Variants in ACAP2 observed in about 807,000 individuals in gnomAD.
ACAP2 encodes arf-GAP with coiled-coil, ANK repeat and PH domain-containing protein 2.
A neutral mutation model predicts 115.8 loss-of-function variants in ACAP2; 39 were observed. That is an observed-to-expected ratio of 0.34 (90% confidence interval 0.26 to 0.44). ACAP2 has a LOEUF of 0.44. Among genes scored for constraint, ACAP2 ranks in the 20% least tolerant of loss-of-function variants. The pLI, the probability that ACAP2 is intolerant of heterozygous loss-of-function variation, is 1.00. For synonymous variants in ACAP2, 289 were observed against 315.8 expected, an observed-to-expected ratio of 0.92 and a Z score of 0.90; for missense variants, 662 against 927.6, an observed-to-expected ratio of 0.71 and a Z score of 3.72.
At chr3:195,324,983 T>C (rs529257886) in intron 9 of ACAP2, among the ~76,000 whole-genome samples, 3 of 152,192 alleles carry the variant, frequency 2.0e-5, no homozygotes, top group African/African-American at 4.8e-5. Flanking sequence ...TAACAGACGT[T>C]TTACAAATAA....
intron 1 of ACAP2, among the ~76,000 whole-genome samples, chr3:195,437,527 T>C (rs1193425942): frequency 6.6e-6 from 1 of 152,302 alleles, no homozygotes; most frequent in African/African-American, 2.4e-5. Flanking sequence ...TTTTAAAACA[T>C]TTTTGAGTCT....
chr3:195,379,887 TC>T (rs746693667), intron 4 of ACAP2, among the ~76,000 whole-genome samples: 8 of 152,124 alleles, frequency 5.3e-5, no homozygotes. Context: ...TAAAAGATGC[TC>T]AACTGCATGA....
intron 11 of ACAP2, among the ~76,000 whole-genome samples, chr3:195,308,147 T>A (rs1372790513): frequency 6.6e-6 from 1 of 152,148 alleles, no homozygotes; most frequent in Non-Finnish European, 1.5e-5. Flanking sequence ...TTAACAAATT[T>A]AAGGGGTTCT....
At chr3:195,299,413 T>C (rs1313941863) in intron 15 of ACAP2, among the ~76,000 whole-genome samples, 1 of 78,282 alleles carries the variant, frequency 1.3e-5, no homozygotes, top group Non-Finnish European at 2.9e-5. Context: ...CTACAAAAAA[T>C]ACAAAAAAAA....
At position 195,292,921 on chromosome 3, in the gene ACAP2, CAAA is replaced by C. The variant is rs3988217; in HGVS notation, c.1766-472_1766-470del. 1.6e-4 allele frequency among the ~76,000 whole-genome samples: 12 copies of C among 76,728 alleles called. No homozygotes were observed. In the South Asian group the frequency reaches 1.9e-3, roughly 12 times the overall value. 50.3% of individuals were successfully genotyped at this position (76,728 alleles called of 152,430 possible). A position where few individuals can be genotyped will look rare whatever the true frequency, so the allele number is the denominator to read the frequency against. Reference sequence around the variant, plus strand: ...TGAGCAATAGAGCGAGACTCAGTCTCAAAAAAAAAAAAAAAAAAAAAGTTAAGA... The same window carrying C: ...TGAGCAATAGAGCGAGACTCAGTCTCAAAAAAAAAAAAAAAAAAGTTAAGA... On this transcript the variant is annotated intron_variant, in intron 18 of 22. Transcript: ENST00000326793.
intron 1 of ACAP2, among the ~76,000 whole-genome samples, chr3:195,393,745 A>G (rs1309149786): frequency 6.6e-6 from 1 of 152,240 alleles, no homozygotes; most frequent in African/African-American, 2.4e-5. Context: ...GTAACGCGTT[A>G]GAAACCTAGA....
rs1030049193 is a variant in ACAP2 at position 195,362,569 on chromosome 3, A to C, written c.286-17252T>G. On this transcript the variant is annotated intron_variant, in intron 4 of 22. Transcript: ENST00000326793. Reference sequence around the variant, plus strand: ...AAACTACAGGCCAATATCTCTGATGAACACTGATGAAAAAATCCTCAACAA... The same window carrying C: ...AAACTACAGGCCAATATCTCTGATGCACACTGATGAAAAAATCCTCAACAA... Among the ~76,000 whole-genome samples, 7 of 152,156 alleles carry C rather than the reference A, an allele frequency of 4.6e-5. 1 individual carries two copies. Among genetic ancestry groups the C allele is most frequent in the Non-Finnish European group, 8.8e-5 (6 of 68,018 alleles).
At position 195,336,913 on chromosome 3, in the gene ACAP2, A is replaced by C; in HGVS notation, c.573+19T>G. 6.4e-7 allele frequency: 1 copy of C among 1,565,528 alleles called. No individual in the cohort carries two copies. Among genetic ancestry groups the C allele is most frequent in the Non-Finnish European group, 8.8e-7 (1 of 1,139,790 alleles). The stretch of plus-strand genomic sequence containing the variant: ...TTCATATTAAAATATTTAAAACATC[A>C]TTTCAATTAATGTCTTACTGATTTT... On this transcript the variant is annotated intron_variant, in intron 7 of 22. Transcript: ENST00000326793.
chr3:195,369,419 C>CCCACCCT (rs1310749144), intron 4 of ACAP2, among the ~76,000 whole-genome samples: 1 of 152,174 alleles, frequency 6.6e-6, no homozygotes, highest in Non-Finnish European at 1.5e-5. Context: ...TCTCCCTCCT[C>CCCACCCT]CCACCCTCCA....
intron 4 of ACAP2, among the ~76,000 whole-genome samples, chr3:195,347,057 A>G (rs1216204044): frequency 6.6e-6 from 1 of 152,130 alleles, no homozygotes; most frequent in Admixed American, 6.6e-5. Flanking sequence ...ACCCAACTGT[A>G]TGCATCTGTC....
intron 4 of ACAP2, among the ~76,000 whole-genome samples, chr3:195,360,137 C>T (rs1732254533): frequency 6.6e-6 from 1 of 152,038 alleles, no homozygotes; most frequent in African/African-American, 2.4e-5. Context: ...ACAAGAGACA[C>T]ATCTCACCTA....
chr3:195,379,797 C>CCAT (rs2108748636), intron 4 of ACAP2, among the ~76,000 whole-genome samples: 1 of 152,066 alleles, frequency 6.6e-6, no homozygotes, highest in East Asian at 1.9e-4. Context: ...GAGTGAGACC[C>CCAT]CATCTCTAAA....
chr3:195,340,319 A>G (rs1329898591), intron 6 of ACAP2, among the ~76,000 whole-genome samples: 1 of 151,824 alleles, frequency 6.6e-6, no homozygotes, highest in East Asian at 1.9e-4. Flanking sequence ...ACACCATTCA[A>G]TTAGATAAGG....
At chr3:195,381,467 G>A (rs1733933254) in intron 3 of ACAP2, among the ~76,000 whole-genome samples, 1 of 151,944 alleles carries the variant, frequency 6.6e-6, no homozygotes, top group African/African-American at 2.4e-5. Flanking sequence ...GTATACCAAG[G>A]AATCTAAGCT....
At chr3:195,403,394 G>A (rs1415142198) in intron 1 of ACAP2, among the ~76,000 whole-genome samples, 1 of 152,184 alleles carries the variant, frequency 6.6e-6, no homozygotes, top group African/African-American at 2.4e-5. Flanking sequence ...ATGCTGTAAA[G>A]TATTTTGTCA....
intron 6 of ACAP2, among the ~76,000 whole-genome samples, chr3:195,338,380 C>T (rs1730653590): frequency 6.6e-6 from 1 of 152,182 alleles, no homozygotes; most frequent in Admixed American, 6.5e-5. Context: ...GCCTCGAACT[C>T]CTGGGCACAC....
At chr3:195,407,602 G>A (rs1008926198) in intron 1 of ACAP2, among the ~76,000 whole-genome samples, 3 of 152,086 alleles carry the variant, frequency 2.0e-5, no homozygotes, top group Admixed American at 1.3e-4. Context: ...AGCTACCTGG[G>A]AGGCTGGATC....
chr3:195,317,222 T>C (rs187709623), intron 10 of ACAP2, among the ~76,000 whole-genome samples: 1 of 152,182 alleles, frequency 6.6e-6, no homozygotes, highest in African/African-American at 2.4e-5. Context: ...CTATATAACC[T>C]TGACACCAAG....
chr3:195,332,957 T>G, intron 8 of ACAP2, 71 bp downstream of exon 8: 1 of 1,138,208 alleles, frequency 8.8e-7, no homozygotes, highest in Non-Finnish European at 1.3e-6. Flanking sequence ...ACACCTCCAA[T>G]ATGCTAAATT....
Sources: allele counts gnomAD v4.1 joint callset (sites outside exome capture counted in the v4.1 genomes callset), GRCh38; gene constraint gnomAD v4.1.1; transcripts MANE v1.5; gene names NCBI Gene and HGNC (gene_info 2026-07-23, HGNC 2026-07-21).